DPYSL2: variants seen among roughly 807,000 people sequenced by gnomAD.
DPYSL2 encodes dihydropyrimidinase like 2.
In DPYSL2, 13 loss-of-function variants were observed where a neutral mutation model predicts 69.9. The observed-to-expected ratio is 0.19, with a 90% CI of 0.12 to 0.30. The LOEUF (loss-of-function observed/expected upper bound fraction) is 0.30, where lower values mean the gene tolerates loss of function less well. DPYSL2 is among the 10% of genes least tolerant of loss of function. DPYSL2 has a pLI of 1.00. For synonymous variants in DPYSL2, 326 were observed against 359.1 expected (o/e 0.91, Z 1.04); for missense variants, 587 against 918.9 (o/e 0.64, Z 4.67).
At chr8:26,637,689 G>A (rs945221394) in intron 8 of DPYSL2, 1 of 152,172 alleles carries the variant, frequency 6.6e-6, no homozygotes, top group Non-Finnish European at 1.5e-5. Flanking sequence ...TTAATTGTTT[G>A]CCTCCAGGAT....
rs1023795338 is a variant in DPYSL2, at chr8:26,587,383, C to G, written c.628+3400C>G. On this transcript the variant is annotated intron_variant, in intron 3 of 13. Transcript: ENST00000521913. The surrounding 1 kb of genome is among the most constrained non-coding windows in gnomAD (Gnocchi z 4.2). ...GCCACCCCGCCCCTGGGCACTCCAC[C>G]CTCCTGGCTTTCTGGCCTTCTCCAG... 1.3e-5 allele frequency among the ~76,000 whole-genome samples: 2 copies of G among 152,192 alleles called. No homozygotes were observed. Among genetic ancestry groups the G allele is most frequent in the Non-Finnish European group, 2.9e-5 (2 of 68,046 alleles).
intron 1 of DPYSL2, among the ~76,000 whole-genome samples, chr8:26,515,045 G>A (rs553959075): frequency 4.3e-4 from 66 of 152,348 alleles, no homozygotes; most frequent in African/African-American, 1.5e-3. Context: ...GCGGCTGGGT[G>A]CCCCACCCTT....
At position 26,627,680 on chromosome 8, in the gene DPYSL2, A is replaced by T. The variant is rs530513799; in HGVS notation, c.937-192A>T. Among the ~76,000 whole-genome samples the T allele has an allele frequency of 6.6e-6, 1 of 152,068 alleles. No homozygotes were observed. The highest frequency in any genetic ancestry group is 2.4e-5 in the African/African-American group (1 of 41,404). The stretch of plus-strand genomic sequence containing the variant: ...AATGGGTTTTGGGAGGCTGTAATTG[A>T]TCCATCCTGCTCAGGCGGGACTGGG... On this transcript the variant is annotated intron_variant, in intron 6 of 13. Coordinates refer to ENST00000521913, the MANE Select transcript of DPYSL2 (RefSeq NM_001197293.3). The surrounding 1 kb of genome is among the most constrained non-coding windows in gnomAD (Gnocchi z 6.9).
chr8:26,608,100 G>A (rs888461282), intron 3 of DPYSL2, among the ~76,000 whole-genome samples: 5 of 150,864 alleles, frequency 3.3e-5, no homozygotes, highest in Non-Finnish European at 7.4e-5. Context: ...AAAAAATTGT[G>A]GAAAATATTT....
chr8:26,556,354 ATATATATATAG>A (rs1270218497), intron 1 of DPYSL2, among the ~76,000 whole-genome samples: 523 of 14,002 alleles, frequency 0.037, 26 homozygotes, highest in Non-Finnish European at 0.054. Flanking sequence ...TATATATAGT[ATATATATATAG>A]TATATATATA....
intron 3 of DPYSL2, among the ~76,000 whole-genome samples, chr8:26,607,736 G>A (rs1802137323): frequency 6.6e-6 from 1 of 151,792 alleles, no homozygotes; most frequent in Admixed American, 6.6e-5. Context: ...GCTGCAGTGA[G>A]CTATGATCCT....
rs1257148376 is a variant in DPYSL2 at position 26,514,331 on chromosome 8, C to T, written c.6C>T (p.Ala2=). 4.1e-6 allele frequency: 6 copies of T among 1,460,512 alleles called. No homozygotes were observed. The highest frequency in any genetic ancestry group is 5.4e-6 in the Non-Finnish European group (6 of 1,109,238). 90.5% of individuals were successfully genotyped at this position (1,460,512 alleles called of 1,614,324 possible). A position where few individuals can be genotyped will look rare whatever the true frequency, so the allele number is the denominator to read the frequency against. The part of the protein sequence containing the change: M[A]ERKQSGKAAE... ...CCTACCCGAGCCCCCGAGCCATGGC[C>T]GAGAGAAAGCAATCCGGGAAGGCGG... Residue 2 remains alanine (A), a synonymous_variant, in exon 1 of 14, where the codon GCC becomes GCT. Coordinates refer to ENST00000521913, the MANE Select transcript of DPYSL2 (RefSeq NM_001197293.3). This position sits in a 1 kb window ranked among gnomAD's most constrained non-coding sequence, Gnocchi z 8.4.
At chr8:26,584,294 C>T (rs571022322) in intron 3 of DPYSL2, among the ~76,000 whole-genome samples, 64 of 152,188 alleles carry the variant, frequency 4.2e-4, no homozygotes, top group Admixed American at 1.3e-3. Context: ...TTTGAAAACA[C>T]GGCATTTGAA....
intron 3 of DPYSL2, among the ~76,000 whole-genome samples, chr8:26,622,086 TTTCTTTCCTTCCTTCCTTCCTTCC>T (rs1802494391): frequency 2.4e-4 from 26 of 109,510 alleles, no homozygotes; most frequent in African/African-American, 7.6e-4. Flanking sequence ...TCTTTCTTTC[TTTCTTTCCTTCCTTCCTTCCTTCC>T]TTCCTTCCTT....
Position 26,653,132 on chromosome 8 carries a change from A to T in DPYSL2, c.1777-100A>T, listed in dbSNP as rs1803311679. 1 of 1,410,748 alleles carries T rather than the reference A, an allele frequency of 7.1e-7. No individual in the cohort carries two copies. The highest frequency in any genetic ancestry group is 9.7e-7 in the Non-Finnish European group (1 of 1,036,214). The allele number at this position is 1,410,748 out of a possible 1,614,324, so 87.4% of individuals were successfully genotyped here. A position where few individuals can be genotyped will look rare whatever the true frequency, so the allele number is the denominator to read the frequency against. ...CACCTGTCTGTAAGGAGAGCCCTCC[A>T]TCCCTAGATCTCACAGGCCCATCCT... On this transcript the variant is annotated intron_variant, in intron 12 of 13. Coordinates refer to ENST00000521913, the MANE Select transcript of DPYSL2 (RefSeq NM_001197293.3). This position sits in a 1 kb window ranked among gnomAD's most constrained non-coding sequence, Gnocchi z 5.7.
chr8:26,582,300 A>G lies in DPYSL2; in HGVS notation c.443+243A>G, dbSNP rs1801508644. Among the ~76,000 whole-genome samples, 1 of 152,262 alleles carries G rather than the reference A, an allele frequency of 6.6e-6. No individual in the cohort carries two copies. The highest frequency in any genetic ancestry group is 1.5e-5 in the Non-Finnish European group (1 of 68,040). The stretch of plus-strand genomic sequence containing the variant: ...GGTATTATGTAATTTACTATTTTTA[A>G]CTGAGGTGATATGATATCTTTCTGT... On this transcript the variant is annotated intron_variant, in intron 2 of 13. Transcript: ENST00000521913. This position sits in a 1 kb window ranked among gnomAD's most constrained non-coding sequence, Gnocchi z 4.1.
At chr8:26,589,821 G>C (rs1801683983) in intron 3 of DPYSL2, among the ~76,000 whole-genome samples, 1 of 152,252 alleles carries the variant, frequency 6.6e-6, no homozygotes, top group Non-Finnish European at 1.5e-5. Flanking sequence ...TCCAAGTACA[G>C]AGGGTCACAA....
In DPYSL2 at chr8:26,539,024, T is replaced by C. The variant is rs536119833; in HGVS notation, c.354+24345T>C. Reference sequence around the variant, plus strand: ...CCCTTCTAGTAGTTCCCAGTGTCTGTTGTTCCCATCTTTATGTCCACTTGT... The same window carrying C: ...CCCTTCTAGTAGTTCCCAGTGTCTGCTGTTCCCATCTTTATGTCCACTTGT... On this transcript the variant is annotated intron_variant, in intron 1 of 13. Transcript: ENST00000521913. Among the ~76,000 whole-genome samples the C allele has an allele frequency of 2.0e-5, 3 of 152,350 alleles. No homozygotes were observed. In the East Asian group the frequency reaches 5.8e-4, roughly 29 times the overall value.
chr8:26,634,267 CT>C (rs1398212723), intron 7 of DPYSL2, among the ~76,000 whole-genome samples: 1 of 151,932 alleles, frequency 6.6e-6, no homozygotes, highest in Non-Finnish European at 1.5e-5. Flanking sequence ...AGGGAGTTTT[CT>C]TTTCTTTTTC....
intron 3 of DPYSL2, among the ~76,000 whole-genome samples, chr8:26,589,053 C>T (rs1488940803): frequency 1.3e-5 from 2 of 152,196 alleles, no homozygotes; most frequent in African/African-American, 2.4e-5. Context: ...TTCATTGTGC[C>T]GCCTTCTTCC....
At chr8:26,639,758 T>A (rs967405492) in intron 8 of DPYSL2, among the ~76,000 whole-genome samples, 3 of 152,142 alleles carry the variant, frequency 2.0e-5, no homozygotes, top group Admixed American at 6.6e-5. Context: ...TTTGGGAGTA[T>A]TTAATAATAT....
At chr8:26,592,370 C>T (rs1271498684) in intron 3 of DPYSL2, among the ~76,000 whole-genome samples, 1 of 151,868 alleles carries the variant, frequency 6.6e-6, no homozygotes, top group Non-Finnish European at 1.5e-5. Flanking sequence ...CCAGGCTGGT[C>T]ATGAACTCTT....
chr8:26,627,226 A>G lies in DPYSL2; in HGVS notation c.867A>G (p.Val289=). Residue 289 remains valine (V), a synonymous_variant, in exon 6 of 14, where the codon GTA becomes GTG. Coordinates refer to ENST00000521913, the MANE Select transcript of DPYSL2 (RefSeq NM_001197293.3). This position sits in a 1 kb window ranked among gnomAD's most constrained non-coding sequence, Gnocchi z 6.9. ...TGTCTCTCTCTCAGATTTATGAAGTACTGAGTGTGATCCGGGATATTGGCG... is the reference window on the plus strand; with the variant it reads ...TGTCTCTCTCTCAGATTTATGAAGTGCTGAGTGTGATCCGGGATATTGGCG... ...FQLTDCQIYE[V]LSVIRDIGAI... 6.2e-7 allele frequency: 1 copy of G among 1,614,172 alleles called. No individual in the cohort carries two copies. The highest frequency in any genetic ancestry group is 8.5e-7 in the Non-Finnish European group (1 of 1,180,014).
chr8:26,549,226 A>AATAATAATAATAATAATC (rs368363831), intron 1 of DPYSL2, among the ~76,000 whole-genome samples: 1 of 145,422 alleles, frequency 6.9e-6, no homozygotes. Context: ...TAATAATAAT[A>AATAATAATAATAATAATC]ATCAAAAGGA....
Sources: allele counts gnomAD v4.1 joint callset (sites outside exome capture counted in the v4.1 genomes callset), GRCh38; gene constraint gnomAD v4.1.1; non-coding constraint Gnocchi (gnomAD v3.1); transcripts MANE v1.5; gene names NCBI Gene and HGNC (gene_info 2026-07-23, HGNC 2026-07-21).